NKAIN2: variants seen among roughly 807,000 people sequenced by gnomAD.
NKAIN2 encodes the protein sodium/potassium-transporting ATPase subunit beta-1-interacting protein 2.
A neutral mutation model predicts 32.6 loss-of-function variants in NKAIN2; 14 were observed. That is an observed-to-expected ratio of 0.43 (90% CI 0.28 to 0.67). The LOEUF (loss-of-function observed/expected upper bound fraction) is 0.67. Among genes scored for constraint, NKAIN2 ranks in the 30% least tolerant of loss-of-function variants. The pLI is 0.17. For missense variants in NKAIN2, 198 were observed against 258.3 expected, an observed-to-expected ratio of 0.77 and a Z score of 1.60; for synonymous variants, 80 against 87.2, an observed-to-expected ratio of 0.92 and a Z score of 0.46.
At chr6:124,098,875 AAATAAT>A (rs963835092) in intron 1 of NKAIN2, among the ~76,000 whole-genome samples, 5 of 151,858 alleles carry the variant, frequency 3.3e-5, no homozygotes, top group East Asian at 3.9e-4. Context: ...GTTTCAAGAA[AAATAAT>A]AATAATAATA....
At chr6:123,998,414 A>T (rs879519363) in intron 1 of NKAIN2, among the ~76,000 whole-genome samples, 1 of 152,116 alleles carries the variant, frequency 6.6e-6, no homozygotes, top group Non-Finnish European at 1.5e-5. Flanking sequence ...TCCTGTGGAG[A>T]TACTCAGCTC....
chr6:123,924,514 A>G (rs2114501460), intron 1 of NKAIN2, among the ~76,000 whole-genome samples: 1 of 152,340 alleles, frequency 6.6e-6, no homozygotes, highest in Admixed American at 6.5e-5. Context: ...ACAGAATTAT[A>G]TGTTTATAAG....
intron 1 of NKAIN2, among the ~76,000 whole-genome samples, chr6:123,815,924 G>C (rs1773674277): frequency 6.6e-6 from 1 of 151,854 alleles, no homozygotes; most frequent in African/African-American, 2.4e-5. Context: ...AATGTGGCAT[G>C]GTAGATATAC....
At chr6:124,007,372 C>T (rs1023191892) in intron 1 of NKAIN2, among the ~76,000 whole-genome samples, 1 of 152,164 alleles carries the variant, frequency 6.6e-6, no homozygotes, top group Non-Finnish European at 1.5e-5. Context: ...ATGTCCCCAA[C>T]TCCACAATGT....
At chr6:123,833,311 G>C (rs1774462941) in intron 1 of NKAIN2, among the ~76,000 whole-genome samples, 2 of 152,168 alleles carry the variant, frequency 1.3e-5, no homozygotes, top group Non-Finnish European at 2.9e-5. Context: ...CTGTTCTTTA[G>C]GCAATACCAT....
intron 1 of NKAIN2, among the ~76,000 whole-genome samples, chr6:124,007,083 G>A (rs1214699339): frequency 6.6e-6 from 1 of 152,150 alleles, no homozygotes; most frequent in Non-Finnish European, 1.5e-5. Context: ...ACACACCTAG[G>A]CTATATGGTA....
intron 1 of NKAIN2, among the ~76,000 whole-genome samples, chr6:123,958,266 A>C (rs1009072445): frequency 1.3e-5 from 2 of 152,218 alleles, no homozygotes; most frequent in Admixed American, 1.3e-4. Context: ...AATCATCAGA[A>C]ATCATCAGGA....
chr6:124,127,449 G>T (rs1370368497), intron 1 of NKAIN2, among the ~76,000 whole-genome samples: 1 of 152,172 alleles, frequency 6.6e-6, no homozygotes, highest in Non-Finnish European at 1.5e-5. Context: ...TAGTCACATG[G>T]AAATATTTAC....
chr6:123,880,552 A>G (rs1773404207), intron 1 of NKAIN2, among the ~76,000 whole-genome samples: 2 of 152,302 alleles, frequency 1.3e-5, no homozygotes, highest in South Asian at 4.1e-4. Flanking sequence ...CACTGCCATC[A>G]CACATCTCTA....
At chr6:124,019,157 A>T (rs776582868) in intron 1 of NKAIN2, among the ~76,000 whole-genome samples, 8 of 152,206 alleles carry the variant, frequency 5.3e-5, no homozygotes, top group African/African-American at 1.9e-4. Flanking sequence ...ACATGATTCA[A>T]TTACCTCCCA....
intron 3 of NKAIN2, among the ~76,000 whole-genome samples, chr6:124,376,053 T>C (rs1214439660): frequency 6.6e-6 from 1 of 152,042 alleles, no homozygotes; most frequent in African/African-American, 2.4e-5. Flanking sequence ...CAATGAACAG[T>C]TTTGAGATTT....
intron 3 of NKAIN2, among the ~76,000 whole-genome samples, chr6:124,600,699 G>C (rs886537879): frequency 1.3e-5 from 2 of 151,938 alleles, no homozygotes; most frequent in Admixed American, 1.3e-4. Context: ...TGTTTTATTT[G>C]TCACAGAAAA....
chr6:124,376,971 G>A (rs897978954), intron 3 of NKAIN2, among the ~76,000 whole-genome samples: 1 of 152,074 alleles, frequency 6.6e-6, no homozygotes, highest in East Asian at 1.9e-4. Context: ...AAGGAACTTT[G>A]GTATTGTCAG....
At chr6:123,816,095 A>G (rs1773683182) in intron 1 of NKAIN2, among the ~76,000 whole-genome samples, 1 of 152,212 alleles carries the variant, frequency 6.6e-6, no homozygotes, top group African/African-American at 2.4e-5. Flanking sequence ...ATTGCAAAAA[A>G]GAGTATCCCA....
intron 6 of NKAIN2, 111 bp from the exon 7 acceptor site, chr6:124,823,109 T>TTTTG (rs765079589): frequency 5.3e-5 from 44 of 823,540 alleles, no homozygotes; most frequent in East Asian, 3.2e-4. Context: ...TGGGCTTCTT[T>TTTTG]TTTGTTTGTT....
intron 3 of NKAIN2, among the ~76,000 whole-genome samples, chr6:124,620,689 A>T (rs762349923): frequency 1.3e-5 from 2 of 152,184 alleles, no homozygotes; most frequent in Non-Finnish European, 2.9e-5. Context: ...TCTCATATGG[A>T]ACACTAAGCT....
chr6:123,962,974 A>C (rs1207961360), intron 1 of NKAIN2, among the ~76,000 whole-genome samples: 1 of 152,172 alleles, frequency 6.6e-6, no homozygotes, highest in African/African-American at 2.4e-5. Flanking sequence ...ACAATAGGTC[A>C]GCTCACTGTT....
At chr6:124,331,854 G>C (rs1797675386) in intron 2 of NKAIN2, among the ~76,000 whole-genome samples, 1 of 152,134 alleles carries the variant, frequency 6.6e-6, no homozygotes, top group African/African-American at 2.4e-5. Context: ...TATTTCTGGA[G>C]CCAAATGATA....
At chr6:124,051,608 T>C (rs963596491) in intron 1 of NKAIN2, among the ~76,000 whole-genome samples, 2 of 151,984 alleles carry the variant, frequency 1.3e-5, no homozygotes, top group Admixed American at 1.3e-4. Context: ...CGGGGTGTGA[T>C]GTTCCCCTTC....
Sources: gnomAD v4.1 joint callset for allele counts (sites outside exome capture counted in the v4.1 genomes callset) on GRCh38, gnomAD v4.1.1 for gene constraint, MANE v1.5 for transcripts, NCBI Gene and HGNC (gene_info 2026-07-23, HGNC 2026-07-21) for gene names.